Variants in HMCN1 observed in about 807,000 individuals in gnomAD.
HMCN1 encodes hemicentin 1.
A neutral mutation model predicts 625.9 loss-of-function variants in HMCN1; 321 were observed. That is an observed-to-expected ratio of 0.51 (90% confidence interval 0.47 to 0.56). The LOEUF (loss-of-function observed/expected upper bound fraction) is 0.56, where lower values mean the gene tolerates loss of function less well. HMCN1 is among the 20% of genes least tolerant of loss of function. The pLI, the probability that HMCN1 is intolerant of heterozygous loss-of-function variation, is 0.00. For synonymous variants in HMCN1, 2,425 were observed against 2,417.6 expected, an observed-to-expected ratio of 1.00 and a Z score of -0.09; for missense variants, 6,588 against 6,887.3, an observed-to-expected ratio of 0.96 and a Z score of 1.54.
chr1:186,168,274 C>T (rs776100851), intron 100 of HMCN1, among the ~76,000 whole-genome samples: 1 of 150,954 alleles, frequency 6.6e-6, no homozygotes, highest in Non-Finnish European at 1.5e-5. Context: ...AAAAACTGCA[C>T]TAAGAAAAAT....
chr1:186,164,065 C>T (rs1375262923), intron 97 of HMCN1, among the ~76,000 whole-genome samples: 2 of 152,082 alleles, frequency 1.3e-5, no homozygotes, highest in Admixed American at 6.6e-5. Context: ...AATAGTGACA[C>T]ACACACACAG....
rs539886806 is a variant in HMCN1 at position 186,156,286 on chromosome 1, T to C, written c.15256+2299T>C. ...GTAAAATATGCACCAAGAAAAAATA[T>C]TTGCATCACATGTTATTGACAACCA... On this transcript the variant is annotated intron_variant, in intron 97 of 106. Coordinates refer to ENST00000271588, the MANE Select transcript of HMCN1 (RefSeq NM_031935.3). 6.6e-5 allele frequency among the ~76,000 whole-genome samples: 10 copies of C among 152,154 alleles called. No homozygotes were observed. In the South Asian group the frequency reaches 1.7e-3, roughly 25 times the overall value.
At chr1:185,799,484 C>A (rs1206802475) in intron 1 of HMCN1, among the ~76,000 whole-genome samples, 1 of 152,136 alleles carries the variant, frequency 6.6e-6, no homozygotes, top group African/African-American at 2.4e-5. Flanking sequence ...CAATGGCAGA[C>A]ACAAGGACCA....
chr1:186,112,753 A>G (rs1295693466), intron 71 of HMCN1, 59 bp from the exon 72 acceptor site: 31 of 1,598,632 alleles, frequency 1.9e-5, no homozygotes, highest in Middle Eastern at 3.3e-4. Flanking sequence ...GCTGTGAAAT[A>G]ATATTTATTC....
At chr1:186,180,554 ACTT>A (rs1430680711) in intron 104 of HMCN1, among the ~76,000 whole-genome samples, 1 of 152,184 alleles carries the variant, frequency 6.6e-6, no homozygotes, top group African/African-American at 2.4e-5. Context: ...CCACTTCTCT[ACTT>A]CTTCATCACT....
chr1:185,873,184 T>G (rs1663729358), intron 4 of HMCN1, among the ~76,000 whole-genome samples: 1 of 152,158 alleles, frequency 6.6e-6, no homozygotes, highest in Non-Finnish European at 1.5e-5. Flanking sequence ...CAAGTTTGAC[T>G]ATGAGATGTT....
chr1:185,818,068 G>T (rs1659952011), intron 1 of HMCN1, among the ~76,000 whole-genome samples: 1 of 152,020 alleles, frequency 6.6e-6, no homozygotes, highest in African/African-American at 2.4e-5. Flanking sequence ...GACTTCTCCA[G>T]AAGCCTTCCT....
At chr1:185,743,456 G>A (rs143714847) in intron 1 of HMCN1, among the ~76,000 whole-genome samples, 1 of 152,186 alleles carries the variant, frequency 6.6e-6, no homozygotes, top group Non-Finnish European at 1.5e-5. Context: ...TCTAAAGCAG[G>A]TGATTTTGTT....
At chr1:185,873,240 T>C (rs1663733682) in intron 4 of HMCN1, among the ~76,000 whole-genome samples, 1 of 152,190 alleles carries the variant, frequency 6.6e-6, no homozygotes. Flanking sequence ...AATTCTGGGT[T>C]TGTAAAAATC....
intron 1 of HMCN1, among the ~76,000 whole-genome samples, chr1:185,787,891 A>G (rs1267160519): frequency 6.6e-6 from 1 of 152,210 alleles, no homozygotes; most frequent in African/African-American, 2.4e-5. Flanking sequence ...AAGGTCAAAA[A>G]TCAGGTAGGT....
intron 11 of HMCN1, among the ~76,000 whole-genome samples, chr1:185,960,635 T>C (rs575419739): frequency 1.3e-5 from 2 of 152,284 alleles, no homozygotes; most frequent in South Asian, 2.1e-4. Context: ...ATACAGAGCC[T>C]ACCAGTGGGA....
chr1:186,139,214 C>T (rs1649804444), intron 89 of HMCN1, among the ~76,000 whole-genome samples: 1 of 152,154 alleles, frequency 6.6e-6, no homozygotes, highest in Non-Finnish European at 1.5e-5. Context: ...AAAAATGAAT[C>T]AAAGTTTTGA....
chr1:186,007,817 C>T (rs141647212), intron 30 of HMCN1, among the ~76,000 whole-genome samples: 362 of 152,166 alleles, frequency 2.4e-3, no homozygotes, highest in African/African-American at 8.2e-3. Context: ...TTCTGAGGAG[C>T]GTGATTGCCA....
At position 186,087,220 on chromosome 1, in the gene HMCN1, G is replaced by A. The variant is rs1295228541; in HGVS notation, c.9050G>A (p.Gly3017Asp). 4 of 1,605,054 alleles carry A rather than the reference G, an allele frequency of 2.5e-6. No homozygotes were observed. The highest frequency in any genetic ancestry group is 2.2e-5 in the South Asian group (2 of 90,922). The change falls in exon 59 of 107, where the codon GGT (glycine) becomes GAT (aspartate). Residue 3017 changes from glycine (G) to aspartate (D), a missense_variant. This residue lies in a region of HMCN1 where 4,628 missense variants were observed against 4,853.1 expected (regional missense o/e 0.95). Coordinates refer to ENST00000271588, the MANE Select transcript of HMCN1 (RefSeq NM_031935.3). ...LNTNTLIVPG[G>D]RTLQIIRAKV... ...TTTGCATTCTATTTACCTACAGGTG[G>A]TCGAACTCTACAGATTATTCGGGCC...
chr1:186,166,750 G>A, intron 99 of HMCN1, 58 bp from the exon 100 acceptor site: 1 of 1,613,088 alleles, frequency 6.2e-7, no homozygotes, highest in East Asian at 2.2e-5. Flanking sequence ...TTTCACCGCA[G>A]GTTCTTGGGC....
intron 77 of HMCN1, among the ~76,000 whole-genome samples, 168 bp downstream of exon 77, chr1:186,117,791 G>C (rs1247248937): frequency 2.6e-5 from 4 of 152,110 alleles, no homozygotes; most frequent in Admixed American, 2.6e-4. Context: ...ATAGAAAGGG[G>C]TTCTAGGGAA....
intron 97 of HMCN1, among the ~76,000 whole-genome samples, chr1:186,160,675 T>G (rs1341819999): frequency 6.6e-6 from 1 of 152,238 alleles, no homozygotes; most frequent in Admixed American, 6.5e-5. Context: ...GATTTCGTTA[T>G]GTACCCAGTA....
At chr1:185,966,177 G>A (rs944266885) in intron 14 of HMCN1, among the ~76,000 whole-genome samples, 4 of 152,032 alleles carry the variant, frequency 2.6e-5, no homozygotes, top group African/African-American at 7.2e-5. Context: ...TGTTAGTTTA[G>A]GATTGTTTCC....
At chr1:185,879,527 A>G (rs1002130828) in intron 4 of HMCN1, among the ~76,000 whole-genome samples, 1 of 152,068 alleles carries the variant, frequency 6.6e-6, no homozygotes, top group Non-Finnish European at 1.5e-5. Flanking sequence ...TATTTTTACT[A>G]TTAAGTCACT....
Sources: allele counts gnomAD v4.1 joint callset (sites outside exome capture counted in the v4.1 genomes callset), GRCh38; gene constraint gnomAD v4.1.1; regional missense constraint gnomAD v4.1.1; transcripts MANE v1.5; gene names NCBI Gene and HGNC (gene_info 2026-07-23, HGNC 2026-07-21).